ELMO1: variants seen among roughly 807,000 people sequenced by gnomAD.
The protein encoded by ELMO1 is engulfment and cell motility protein 1.
ELMO1 carries 26 observed loss-of-function variants against 98.9 expected under a neutral mutation model. The ratio of observed to expected loss-of-function variants is 0.26; its 90% CI spans 0.19 to 0.36. The LOEUF (loss-of-function observed/expected upper bound fraction) is 0.36, where lower values mean the gene tolerates loss of function less well. Among genes scored for constraint, ELMO1 ranks in the 10% least tolerant of loss-of-function variants. The pLI is 1.00. For missense variants in ELMO1, 627 were observed against 935.2 expected, an observed-to-expected ratio of 0.67 and a Z score of 4.30; for synonymous variants, 346 against 346.0, an observed-to-expected ratio of 1.00 and a Z score of 0.00.
intron 13 of ELMO1, among the ~76,000 whole-genome samples, chr7:37,178,654 T>C (rs1303347436): frequency 2.6e-5 from 4 of 151,932 alleles, no homozygotes; most frequent in Non-Finnish European, 5.9e-5. Context: ...TAGAAAGATA[T>C]TTAAAACCAC....
At chr7:37,415,302 T>C (rs1233711880) in intron 1 of ELMO1, among the ~76,000 whole-genome samples, 1 of 152,194 alleles carries the variant, frequency 6.6e-6, no homozygotes, top group African/African-American at 2.4e-5. Context: ...TACGTGAAAA[T>C]ACAGAGGTCT....
chr7:37,244,261 T>A (rs549574550), intron 7 of ELMO1, 95 bp downstream of exon 7: 3 of 1,238,166 alleles, frequency 2.4e-6, no homozygotes, highest in South Asian at 1.5e-5. Flanking sequence ...AAATACTAGA[T>A]GCATAGTTAT....
chr7:37,400,019 A>G (rs981705765), intron 1 of ELMO1, among the ~76,000 whole-genome samples: 4 of 152,234 alleles, frequency 2.6e-5, no homozygotes, highest in African/African-American at 4.8e-5. Flanking sequence ...TGACAAATGT[A>G]CAAGCTTCTG....
At chr7:37,127,160 T>G (rs944148850) in intron 14 of ELMO1, among the ~76,000 whole-genome samples, 1 of 152,208 alleles carries the variant, frequency 6.6e-6, no homozygotes, top group African/African-American at 2.4e-5. Context: ...AGACTATCTC[T>G]GACACATGAA....
chr7:37,136,125 C>G (rs1787246548), intron 13 of ELMO1, among the ~76,000 whole-genome samples: 1 of 151,984 alleles, frequency 6.6e-6, no homozygotes, highest in African/African-American at 2.4e-5. Context: ...TAAAGAACCT[C>G]AAAGCTCAAA....
chr7:37,259,452 G>C, intron 5 of ELMO1, 102 bp from the exon 6 acceptor site: 4 of 1,310,958 alleles, frequency 3.1e-6, no homozygotes, highest in Non-Finnish European at 4.3e-6. Flanking sequence ...AGCCAAAAGC[G>C]CAAGACTATC....
intron 4 of ELMO1, among the ~76,000 whole-genome samples, chr7:37,287,098 C>A (rs145572203): frequency 6.6e-6 from 1 of 150,732 alleles, no homozygotes; most frequent in Non-Finnish European, 1.5e-5. Context: ...GAGGCTGAGA[C>A]AGAAGGATCG....
chr7:37,055,928 C>G (rs1163974833), intron 15 of ELMO1, among the ~76,000 whole-genome samples: 1 of 152,148 alleles, frequency 6.6e-6, no homozygotes, highest in African/African-American at 2.4e-5. Context: ...TGTTTTATTC[C>G]ATATAATTCA....
intron 10 of ELMO1, chr7:37,217,744 T>C (rs1393424178): frequency 2.2e-6 from 1 of 456,918 alleles, no homozygotes; most frequent in Non-Finnish European, 4.4e-6. Flanking sequence ...TCAACATTGC[T>C]CTCTACATCA....
intron 16 of ELMO1, among the ~76,000 whole-genome samples, chr7:36,944,972 C>A (rs1323756788): frequency 6.6e-6 from 1 of 152,166 alleles, no homozygotes; most frequent in Non-Finnish European, 1.5e-5. Context: ...CTCTGCGAAC[C>A]CAGGGCAATA....
At chr7:37,141,146 C>G (rs1230329576) in intron 13 of ELMO1, among the ~76,000 whole-genome samples, 2 of 152,146 alleles carry the variant, frequency 1.3e-5, no homozygotes, top group African/African-American at 2.4e-5. Context: ...GCCCATCAAT[C>G]AATGAGTGGA....
chr7:37,176,244 A>C (rs1264070883), intron 13 of ELMO1, among the ~76,000 whole-genome samples: 1 of 152,216 alleles, frequency 6.6e-6, no homozygotes, highest in African/African-American at 2.4e-5. Flanking sequence ...ATTTCCTAGA[A>C]AAGCTTCCTC....
chr7:37,367,628 G>A (rs1447367145), intron 1 of ELMO1, among the ~76,000 whole-genome samples: 4 of 152,130 alleles, frequency 2.6e-5, no homozygotes, highest in Non-Finnish European at 5.9e-5. Flanking sequence ...GAAAGAATAG[G>A]TTAATTAAGC....
At chr7:36,927,264 A>C (rs1258429973) in intron 16 of ELMO1, among the ~76,000 whole-genome samples, 1 of 152,122 alleles carries the variant, frequency 6.6e-6, no homozygotes, top group Non-Finnish European at 1.5e-5. Context: ...CTCAAGAGAC[A>C]CTCCTTAGCA....
At chr7:36,860,360 G>C (rs952930645) in intron 21 of ELMO1, among the ~76,000 whole-genome samples, 1 of 152,172 alleles carries the variant, frequency 6.6e-6, no homozygotes, top group Middle Eastern at 3.2e-3. Context: ...TGATAAATGA[G>C]AATGTCTGTA....
chr7:36,923,137 T>C (rs557607008), intron 16 of ELMO1, among the ~76,000 whole-genome samples: 4 of 152,244 alleles, frequency 2.6e-5, no homozygotes, highest in Non-Finnish European at 5.9e-5. Flanking sequence ...GTTAGCTATC[T>C]CACTGGACTG....
At chr7:37,177,131 C>T (rs1790540067) in intron 13 of ELMO1, among the ~76,000 whole-genome samples, 1 of 152,222 alleles carries the variant, frequency 6.6e-6, no homozygotes, top group Admixed American at 6.5e-5. Flanking sequence ...CAATTAGACA[C>T]TCTCAGAATG....
intron 13 of ELMO1, among the ~76,000 whole-genome samples, chr7:37,204,731 G>GT (rs1792508143): frequency 6.6e-6 from 1 of 152,198 alleles, no homozygotes; most frequent in Non-Finnish European, 1.5e-5. Flanking sequence ...ATGCTGACTG[G>GT]TGCATTTACA....
In ELMO1 at chr7:37,213,362, C is replaced by G; in HGVS notation, c.927G>C (p.Met309Ile). Residue 309 changes from methionine to isoleucine, a missense_variant, in exon 12 of 22, where the codon ATG becomes ATC. Coordinates refer to ENST00000310758, the MANE Select transcript of ELMO1 (RefSeq NM_014800.11). ...GGTCCTGGGGGTCCATTTTGGTCAT[C>G]ATCCTGTCTTCCAGGAGGTTAAAGG... is the stretch of plus-strand genomic sequence containing the variant. ...VLTFNLLEDR[M>I]MTKMDPQDQA... 2 of 1,612,970 alleles carry G rather than the reference C, an allele frequency of 1.2e-6. No homozygotes were observed. Among genetic ancestry groups the G allele is most frequent in the Non-Finnish European group, 1.7e-6 (2 of 1,179,718 alleles).
Sources: gnomAD v4.1 joint callset for allele counts (sites outside exome capture counted in the v4.1 genomes callset) on GRCh38, gnomAD v4.1.1 for gene constraint, MANE v1.5 for transcripts, NCBI Gene and HGNC (gene_info 2026-07-23, HGNC 2026-07-21) for gene names.